The following MTA3 variants were observed in gnomAD, a reference collection of about 807,000 sequenced individuals.
MTA3 encodes metastasis-associated protein MTA3.
Under a neutral mutation model 83.5 loss-of-function variants are expected in MTA3, and 34 were observed. That is an observed-to-expected ratio of 0.41 (90% CI 0.31 to 0.54). The LOEUF is 0.54. MTA3 is among the 20% of genes least tolerant of loss of function. The pLI, the probability that MTA3 is intolerant of heterozygous loss-of-function variation, is 0.33. For synonymous variants in MTA3, 303 were observed against 252.7 expected, an observed-to-expected ratio of 1.20 and a Z score of -1.89; for missense variants, 761 against 726.4, an observed-to-expected ratio of 1.05 and a Z score of -0.55.
In MTA3 at chr2:42,723,049, G is replaced by A; in HGVS notation, c.1759+14G>A. ...ATGGTCTGGATGGTATGTAAGCCCAGGAATTCTGGAGGCTGTTCTGATAGA... is the reference window on the plus strand; with the variant it reads ...ATGGTCTGGATGGTATGTAAGCCCAAGAATTCTGGAGGCTGTTCTGATAGA... On this transcript the variant is annotated intron_variant, in intron 16 of 16. Transcript: ENST00000405094. The A allele has an allele frequency of 1.3e-6, 2 of 1,549,992 alleles. No homozygotes were observed. Among genetic ancestry groups the A allele is most frequent in the Non-Finnish European group, 8.7e-7 (1 of 1,146,560 alleles).
intron 16 of MTA3, chr2:42,752,159 G>A: frequency 2.1e-6 from 1 of 470,804 alleles, no homozygotes; most frequent in South Asian, 1.5e-5. Context: ...GAATTTATCT[G>A]GGCCTTTATT....
Position 42,755,659 on chromosome 2 carries a change from C to G in MTA3, c.*2260C>G, listed in dbSNP as rs936947193. ...CAATGGAGGAAGGGTGCCGAGGCGC[C>G]TCTAGTCTGTGCCTTTGCCGTTGGA... On this transcript the variant is annotated 3_prime_UTR_variant, in exon 17 of 17. Transcript: ENST00000405094. 4 of 985,418 alleles carry G rather than the reference C, an allele frequency of 4.1e-6. No individual in the cohort carries two copies. The highest frequency in any genetic ancestry group is 3.5e-5 in the African/African-American group (2 of 57,248). 61.0% of individuals were successfully genotyped at this position (985,418 alleles called of 1,614,324 possible). A position where few individuals can be genotyped will look rare whatever the true frequency, so the allele number is the denominator to read the frequency against.
upstream of MTA3, among the ~76,000 whole-genome samples, chr2:42,563,831 C>CCTTCCTTA (rs1468990559): frequency 6.7e-5 from 9 of 134,542 alleles, no homozygotes; most frequent in Non-Finnish European, 1.5e-4. Flanking sequence ...TTCCTTCCTT[C>CCTTCCTTA]CTTTCTTTTT....
At chr2:42,695,651 A>AAT in intron 9 of MTA3, 114 bp from the exon 10 acceptor site, 1 of 457,844 alleles carries the variant, frequency 2.2e-6, no homozygotes, top group African/African-American at 2.2e-5. Flanking sequence ...AAAAAAAAAA[A>AAT]AAAAAAAAAA....
In MTA3 at chr2:42,662,191, G is replaced by C. The variant is rs188116931; in HGVS notation, c.702+2329G>C. 4.5e-3 allele frequency among the ~76,000 whole-genome samples: 685 copies of C among 151,968 alleles called. 1 individual carries two copies. Among genetic ancestry groups the C allele is most frequent in the Admixed American group, 6.2e-3 (94 of 15,260 alleles). On this transcript the variant is annotated intron_variant, in intron 8 of 16. Coordinates refer to ENST00000405094, the MANE Select transcript of MTA3 (RefSeq NM_001330442.2). Reference sequence around the variant, plus strand: ...CTACACAACATTATTTATGTATTCTGTTACCAGGGAACATCTGGAGTGCTT... The same window carrying C: ...CTACACAACATTATTTATGTATTCTCTTACCAGGGAACATCTGGAGTGCTT...
In MTA3 at chr2:42,659,788, C is replaced by A; in HGVS notation, c.628C>A (p.Leu210Met). ...ARAVGTFARA[L>M]DCSSSVRQPS... The stretch of plus-strand genomic sequence containing the variant: ...TGCTGTTGGGACATTCGCCAGAGCC[C>A]TGGATTGCAGCAGTTCTGTGAGGCA... Residue 210 changes from leucine to methionine, a missense_variant, in exon 8 of 17, where the codon CTG (leucine) becomes ATG (methionine). Physicochemically the swap from Leu to Met is conservative, Grantham distance 15 (BLOSUM62 2). Coordinates refer to ENST00000405094, the MANE Select transcript of MTA3 (RefSeq NM_001330442.2). The A allele has an allele frequency of 6.2e-7, 1 of 1,604,314 alleles. No homozygotes were observed. Among genetic ancestry groups the A allele is most frequent in the South Asian group, 1.1e-5 (1 of 89,414 alleles).
Position 42,587,623 on chromosome 2 carries a change from T to A in MTA3, c.190+8423T>A, listed in dbSNP as rs1680500510. ...TTATTTGTTTGTTTTTTTGAGACAG[T>A]CTGACTCTTGTCACCCAGGCTGGAG... On this transcript the variant is annotated intron_variant, in intron 3 of 16. Transcript: ENST00000405094. Among the ~76,000 whole-genome samples the A allele has an allele frequency of 3.3e-5, 5 of 152,252 alleles. No individual in the cohort carries two copies. The South Asian group carries it at 1.0e-3, about 32-fold the overall frequency.
chr2:42,723,946 CAG>C (rs964973110), intron 16 of MTA3, among the ~76,000 whole-genome samples: 2 of 152,056 alleles, frequency 1.3e-5, no homozygotes, highest in African/African-American at 4.8e-5. Flanking sequence ...ATGTGTAAAA[CAG>C]TGAGGGTGAG....
chr2:42,722,939 C>A lies in MTA3; in HGVS notation c.1663C>A (p.Gln555Lys), dbSNP rs1667534823. The A allele has an allele frequency of 1.3e-6, 2 of 1,551,104 alleles. No individual in the cohort carries two copies. The highest frequency in any genetic ancestry group is 2.7e-5 in the African/African-American group (2 of 73,046). Reference protein sequence around the residue: ...PNVIRSTPSLQTPTTKRMLTT... With the variant: ...PNVIRSTPSLKTPTTKRMLTT... ...TGTAATTCGATCTACACCAAGCCTGCAAACCCCAACTACCAAGCGGATGCT... is the reference window on the plus strand; with the variant it reads ...TGTAATTCGATCTACACCAAGCCTGAAAACCCCAACTACCAAGCGGATGCT... Residue 555 changes from glutamine (Q) to lysine (K), a missense_variant, in exon 16 of 17, where the codon CAA becomes AAA. By Grantham distance (53) the Gln-to-Lys change is moderately conservative (BLOSUM62 1). Coordinates refer to ENST00000405094, the MANE Select transcript of MTA3 (RefSeq NM_001330442.2).
intron 14 of MTA3, among the ~76,000 whole-genome samples, chr2:42,718,570 C>G (rs1189031746): frequency 6.6e-6 from 1 of 151,530 alleles, no homozygotes; most frequent in Non-Finnish European, 1.5e-5. Flanking sequence ...CGAGACCAGC[C>G]TGACCAACAT....
At chr2:42,650,704 C>G (rs368843623) in intron 6 of MTA3, among the ~76,000 whole-genome samples, 7 of 152,306 alleles carry the variant, frequency 4.6e-5, no homozygotes, top group African/African-American at 1.7e-4. Flanking sequence ...GCTGGGATTA[C>G]AGGCATGAGC....
intron 9 of MTA3, among the ~76,000 whole-genome samples, chr2:42,684,235 A>G (rs1398640614): frequency 6.6e-6 from 1 of 152,214 alleles, no homozygotes; most frequent in Non-Finnish European, 1.5e-5. Flanking sequence ...CTATGAAGTC[A>G]TCCTTTATTT....
chr2:42,615,865 C>G (rs893658847), intron 4 of MTA3, among the ~76,000 whole-genome samples: 1 of 150,744 alleles, frequency 6.6e-6, no homozygotes, highest in Admixed American at 6.6e-5. Flanking sequence ...GGACTACAGG[C>G]GCCTGCCACC....
rs532802566 is a variant in MTA3 at position 42,687,695 on chromosome 2, C to T, written c.891+5106C>T. 5.9e-5 allele frequency among the ~76,000 whole-genome samples: 9 copies of T among 152,254 alleles called. No homozygotes were observed. In the South Asian group the frequency reaches 6.2e-4, roughly 11 times the overall value. ...ACCACATTTTCCAGAATTCCCTTCC[C>T]GGTATGTTGCCCTTTAGGGTGGGCC... On this transcript the variant is annotated intron_variant, in intron 9 of 16. Coordinates refer to ENST00000405094, the MANE Select transcript of MTA3 (RefSeq NM_001330442.2).
At chr2:42,565,973 C>T (rs1050746379), upstream of MTA3, among the ~76,000 whole-genome samples, 2 of 152,118 alleles carry the variant, frequency 1.3e-5, no homozygotes, top group African/African-American at 2.4e-5. Context: ...CGTGCCATTG[C>T]ACTCCAGCCT....
Position 42,549,759 on chromosome 2 carries a change from CAAAT to C in MTA3, c.-140-20675_-140-20672del, listed in dbSNP as rs1025202823. On this transcript the variant is annotated intron_variant, in intron 2 of 17. Transcript: ENST00000405592. The stretch of plus-strand genomic sequence containing the variant: ...TGTATATAATGGAAAATTCCAGAAA[CAAAT>C]AATTCAGAAGTTTTAAATTGTGTGT... 1.8e-4 allele frequency among the ~76,000 whole-genome samples: 25 copies of C among 140,342 alleles called. 1 individual carries two copies. In the South Asian group the frequency reaches 4.0e-3, roughly 23 times the overall value. The allele number at this position is 140,342 out of a possible 152,430, so 92.1% of individuals were successfully genotyped here.
At chr2:42,746,484 T>A (rs1187409128) in intron 16 of MTA3, among the ~76,000 whole-genome samples, 1 of 152,130 alleles carries the variant, frequency 6.6e-6, no homozygotes, top group Non-Finnish European at 1.5e-5. Flanking sequence ...TATCCTCCAA[T>A]TCAATTCTGA....
intron 2 of MTA3, among the ~76,000 whole-genome samples, chr2:42,561,084 G>A (rs1572985404): frequency 6.6e-6 from 1 of 152,066 alleles, no homozygotes; most frequent in African/African-American, 2.4e-5. Context: ...GCCTTTCCAT[G>A]TCATGATCAG....
At chr2:42,611,360 A>G (rs1684203006) in intron 4 of MTA3, among the ~76,000 whole-genome samples, 2 of 110,048 alleles carry the variant, frequency 1.8e-5, no homozygotes, top group South Asian at 6.6e-4. Flanking sequence ...CACATGCTCC[A>G]ATTCCTGATA....
Sources: gnomAD v4.1 joint callset for allele counts (sites outside exome capture counted in the v4.1 genomes callset) on GRCh38, gnomAD v4.1.1 for gene constraint, MANE v1.5 for transcripts, NCBI Gene and HGNC (gene_info 2026-07-23, HGNC 2026-07-21) for gene names.